The following NCKAP1 variants were observed in gnomAD, a reference collection of about 807,000 sequenced individuals.
The protein encoded by NCKAP1 is nck-associated protein 1.
NCKAP1 carries 21 observed loss-of-function variants against 151.2 expected under a neutral mutation model. That is an observed-to-expected ratio of 0.14 (90% CI 0.10 to 0.20). The LOEUF (loss-of-function observed/expected upper bound fraction) is 0.20, where lower values mean the gene tolerates loss of function less well. NCKAP1 is among the 10% of genes least tolerant of loss of function. NCKAP1 has a pLI of 1.00. For missense variants in NCKAP1, 933 were observed against 1,352.1 expected, an observed-to-expected ratio of 0.69 and a Z score of 4.86; for synonymous variants, 484 against 451.8, an observed-to-expected ratio of 1.07 and a Z score of -0.90.
intron 15 of NCKAP1, among the ~76,000 whole-genome samples, chr2:182,971,558 G>A (rs985525607): frequency 6.6e-6 from 1 of 151,656 alleles, no homozygotes. Context: ...AAATTCATAT[G>A]GAACAAACAA....
At position 182,909,658 on chromosome 2, in the gene NCKAP1, G is replaced by C. The variant is rs770418253; in HGVS notation, c.*16044C>G. 2 of 152,116 alleles carry C rather than the reference G, an allele frequency of 1.3e-5. No individual in the cohort carries two copies. Among genetic ancestry groups the C allele is most frequent in the Non-Finnish European group, 2.9e-5 (2 of 68,040 alleles). The allele number at this position is 152,116 out of a possible 1,614,324, so 9.4% of individuals were successfully genotyped here. On this transcript the variant is annotated 3_prime_UTR_variant, in exon 31 of 31. Coordinates refer to ENST00000361354, the MANE Select transcript of NCKAP1 (RefSeq NM_013436.5). ...GTATGTTGTTGTTTTATTTGTTTAA[G>C]TAAACAATCACTTTTAAAGCCAAGG...
At chr2:183,008,521 T>G (rs1457618478) in intron 2 of NCKAP1, among the ~76,000 whole-genome samples, 1 of 113,196 alleles carries the variant, frequency 8.8e-6, no homozygotes, top group Non-Finnish European at 2.1e-5. Context: ...TCACTCAGTA[T>G]AGTTATCATA....
Position 182,952,373 on chromosome 2 carries a change from T to G in NCKAP1, c.2601+32A>C, listed in dbSNP as rs377236150. On this transcript the variant is annotated intron_variant, in intron 23 of 30. Transcript: ENST00000361354. ...TGAAATGTTTTTCAGGAATTAATGT[T>G]TAAAAGCTAAAATTAATAAAGACTA... The G allele has an allele frequency of 1.7e-5, 24 of 1,419,058 alleles. No homozygotes were observed. The African/African-American group carries it at 3.2e-4, about 19-fold the overall frequency. The allele number at this position is 1,419,058 out of a possible 1,614,324, so 87.9% of individuals were successfully genotyped here.
At chr2:182,965,605 ATTTC>A (rs1306463688) in intron 16 of NCKAP1, among the ~76,000 whole-genome samples, 2 of 152,316 alleles carry the variant, frequency 1.3e-5, no homozygotes, top group South Asian at 2.1e-4. Context: ...AGTAGTAAAC[ATTTC>A]TTTATTTTGG....
In NCKAP1 at chr2:182,911,271, T is replaced by C. The variant is rs1395760938; in HGVS notation, c.*14431A>G. ...TCTGGCCAGTCTAGGGAAGATGCAG[T>C]GAGGGTTTTTGTGTCCTCTGCTTCA... On this transcript the variant is annotated 3_prime_UTR_variant, in exon 31 of 31. Transcript: ENST00000361354. 6.6e-6 allele frequency: 1 copy of C among 152,310 alleles called. No homozygotes were observed. Among genetic ancestry groups the C allele is most frequent in the Non-Finnish European group, 1.5e-5 (1 of 68,066 alleles). 9.4% of individuals were successfully genotyped at this position (152,310 alleles called of 1,614,324 possible).
chr2:183,020,937 T>C (rs367601948), intron 2 of NCKAP1, among the ~76,000 whole-genome samples: 1 of 152,180 alleles, frequency 6.6e-6, no homozygotes, highest in East Asian at 1.9e-4. Flanking sequence ...ATATGCCCAA[T>C]ACATAGTACT....
At chr2:182,992,283 G>C (rs1009890152) in intron 8 of NCKAP1, among the ~76,000 whole-genome samples, 1 of 152,196 alleles carries the variant, frequency 6.6e-6, no homozygotes, top group Non-Finnish European at 1.5e-5. Context: ...GCTCTACTCA[G>C]GGTTCAAATA....
At chr2:182,978,544 T>C (rs1314954155) in intron 14 of NCKAP1, among the ~76,000 whole-genome samples, 2 of 152,176 alleles carry the variant, frequency 1.3e-5, no homozygotes, top group African/African-American at 2.4e-5. Context: ...TTAAATATTG[T>C]TATTGGTATG....
intron 2 of NCKAP1, among the ~76,000 whole-genome samples, chr2:183,008,540 CCTG>C (rs3030406): frequency 0.61 from 92,764 of 151,632 alleles, 31,614 homozygotes; most frequent in East Asian, 0.86. Context: ...TATTGGTCTT[CCTG>C]CTGTGTTTGC....
chr2:183,026,025 A>G (rs1482401144), intron 1 of NCKAP1, among the ~76,000 whole-genome samples: 1 of 152,266 alleles, frequency 6.6e-6, no homozygotes, highest in Non-Finnish European at 1.5e-5. Context: ...TTAAGAATGT[A>G]AACATATAAA....
intron 1 of NCKAP1, among the ~76,000 whole-genome samples, chr2:183,036,768 G>T (rs1249363224): frequency 7.1e-6 from 1 of 140,130 alleles, no homozygotes; most frequent in Non-Finnish European, 1.5e-5. Flanking sequence ...ACATCAAATT[G>T]TAAAAAATAA....
chr2:183,009,725 C>T (rs1698556612), intron 2 of NCKAP1, among the ~76,000 whole-genome samples: 1 of 152,158 alleles, frequency 6.6e-6, no homozygotes, highest in Admixed American at 6.5e-5. Context: ...CAGCACCATC[C>T]ATCTCCAGAT....
intron 30 of NCKAP1, 138 bp from the exon 31 acceptor site, chr2:182,925,956 C>T (rs1696635568): frequency 2.4e-6 from 1 of 423,650 alleles, no homozygotes; most frequent in African/African-American, 2.1e-5. Flanking sequence ...TAGCAATAGA[C>T]ACATATTATT....
In NCKAP1 at chr2:182,919,437, T is replaced by G. The variant is rs1021607575; in HGVS notation, c.*6265A>C. On this transcript the variant is annotated 3_prime_UTR_variant, in exon 31 of 31. Transcript: ENST00000361354. ...TCAATGTGCTTTCTGGCAGCCAGAA[T>G]CTGCATGCAATCAATGACCATGTGA... 6.6e-6 allele frequency: 1 copy of G among 152,186 alleles called. No individual in the cohort carries two copies. Among genetic ancestry groups the G allele is most frequent in the African/African-American group, 2.4e-5 (1 of 41,446 alleles). 9.4% of individuals were successfully genotyped at this position (152,186 alleles called of 1,614,324 possible).
rs1342560277 is a variant in NCKAP1 at position 182,911,426 on chromosome 2, G to A, written c.*14276C>T. On this transcript the variant is annotated 3_prime_UTR_variant, in exon 31 of 31. Transcript: ENST00000361354. ...AAAACAGCCTATACTATATGAATAA[G>A]ACCAAAAAATGGCCATCAGTTCATG... 2.0e-5 allele frequency: 3 copies of A among 151,892 alleles called. 1 individual carries two copies. Among genetic ancestry groups the A allele is most frequent in the Admixed American group, 2.0e-4 (3 of 15,256 alleles). The allele number at this position is 151,892 out of a possible 1,614,324, so 9.4% of individuals were successfully genotyped here.
rs990233017 is a variant in NCKAP1, at chr2:182,925,089, A to G, written c.*613T>C. On this transcript the variant is annotated 3_prime_UTR_variant, in exon 31 of 31. Transcript: ENST00000361354. ...GGAAGTTAGTCTAAAAATTATCGCT[A>G]GGCTTTATACAAGCAACAACATATG... 6.6e-6 allele frequency: 1 copy of G among 152,162 alleles called. No homozygotes were observed. The highest frequency in any genetic ancestry group is 2.1e-4 in the South Asian group (1 of 4,830). The allele number at this position is 152,162 out of a possible 1,614,324, so 9.4% of individuals were successfully genotyped here.
chr2:182,991,124 T>C (rs1698162600), intron 8 of NCKAP1, among the ~76,000 whole-genome samples: 1 of 152,212 alleles, frequency 6.6e-6, no homozygotes, highest in Admixed American at 6.5e-5. Flanking sequence ...ACTTACAAAA[T>C]ACTTGCTACT....
Position 182,911,026 on chromosome 2 carries a change from G to A in NCKAP1, c.*14676C>T, listed in dbSNP as rs1433096294. On this transcript the variant is annotated 3_prime_UTR_variant, in exon 31 of 31. Coordinates refer to ENST00000361354, the MANE Select transcript of NCKAP1 (RefSeq NM_013436.5). Reference sequence around the variant, plus strand: ...GGGAAACCTTAAAAACTGAGTTCCCGGCCATGATGGGATGGGAGGTTGGGC... The same window carrying A: ...GGGAAACCTTAAAAACTGAGTTCCCAGCCATGATGGGATGGGAGGTTGGGC... 3 of 141,772 alleles carry A rather than the reference G, an allele frequency of 2.1e-5. No individual in the cohort carries two copies. The highest frequency in any genetic ancestry group is 8.4e-3 in the Middle Eastern group (2 of 238). 8.8% of individuals were successfully genotyped at this position (141,772 alleles called of 1,614,324 possible). A position where few individuals can be genotyped will look rare whatever the true frequency, so the allele number is the denominator to read the frequency against.
intron 10 of NCKAP1, 142 bp downstream of exon 10, chr2:182,986,029 A>G (rs892715280): frequency 1.4e-6 from 1 of 735,200 alleles, no homozygotes; most frequent in Admixed American, 2.8e-5. Flanking sequence ...GAGGCAATAT[A>G]CTTAATAATT....
Sources: allele counts gnomAD v4.1 joint callset (sites outside exome capture counted in the v4.1 genomes callset), GRCh38; gene constraint gnomAD v4.1.1; transcripts MANE v1.5; gene names NCBI Gene and HGNC (gene_info 2026-07-23, HGNC 2026-07-21).